The following NEBL variants were observed in gnomAD, a reference collection of about 807,000 sequenced individuals.
NEBL encodes the protein nebulette, also known as LIM and SH3 protein 2.
Under a neutral mutation model 140.2 loss-of-function variants are expected in NEBL, and 122 were observed. The observed-to-expected ratio is 0.87, with a 90% CI of 0.75 to 1.01. The LOEUF (loss-of-function observed/expected upper bound fraction) is 1.01, where lower values mean the gene tolerates loss of function less well. NEBL is among the 50% of genes least tolerant of loss of function. The pLI, the probability that NEBL is intolerant of heterozygous loss-of-function variation, is 0.00. For synonymous variants in NEBL, 436 were observed against 398.9 expected (o/e 1.09, Z -1.11); for missense variants, 1,365 against 1,231.3 (o/e 1.11, Z -1.62).
At chr10:21,196,313 T>TTTTTTTTA (rs1554832544) in intron 3 of NEBL, among the ~76,000 whole-genome samples, 12 of 140,538 alleles carry the variant, frequency 8.5e-5, no homozygotes, top group African/African-American at 1.0e-4. Flanking sequence ...ATATTTTTAT[T>TTTTTTTTA]TTTATTTATT....
intron 26 of NEBL, among the ~76,000 whole-genome samples, chr10:20,790,999 A>G (rs983725362): frequency 2.2e-4 from 33 of 152,238 alleles, no homozygotes; most frequent in African/African-American, 7.7e-4. Flanking sequence ...TAGCATTGCT[A>G]CAAATGGGGG....
intron 4 of NEBL, 24 bp downstream of exon 4, chr10:20,888,073 T>C: frequency 3.4e-6 from 5 of 1,471,516 alleles, no homozygotes; most frequent in Non-Finnish European, 4.8e-6. Flanking sequence ...TACAAAATCA[T>C]GAAACACTTT....
chr10:20,992,834 G>C (rs189905599), intron 3 of NEBL, among the ~76,000 whole-genome samples: 72 of 120,526 alleles, frequency 6.0e-4, no homozygotes, highest in African/African-American at 2.1e-3. Context: ...CTGGAGTGCA[G>C]TGGTGTGATC....
intron 4 of NEBL, among the ~76,000 whole-genome samples, chr10:20,921,874 C>T (rs1291358387): frequency 3.9e-5 from 6 of 152,120 alleles, no homozygotes; most frequent in Non-Finnish European, 8.8e-5. Context: ...CACTCACATT[C>T]ATATATACAC....
rs547918031 is a variant in NEBL, at chr10:20,914,866, T to C, written c.357+46806A>G. ...CATATATTTTCTGGGGTTGTTTTGT[T>C]TTGTTTTTTGAGGCGGAGTCTCACT... is the stretch of plus-strand genomic sequence containing the variant. On this transcript the variant is annotated intron_variant, in intron 4 of 6. Transcript: ENST00000417816. 5.9e-5 allele frequency among the ~76,000 whole-genome samples: 9 copies of C among 152,248 alleles called. No homozygotes were observed. The South Asian group carries it at 1.5e-3, about 25-fold the overall frequency.
intron 4 of NEBL, among the ~76,000 whole-genome samples, chr10:20,928,056 G>A (rs537742538): frequency 1.3e-5 from 2 of 152,150 alleles, no homozygotes; most frequent in Non-Finnish European, 2.9e-5. Context: ...ATTTCAACAC[G>A]TTATTGATAT....
At chr10:21,290,627 ATTATTAGGAGAT>A (rs1843129892) in intron 1 of NEBL, among the ~76,000 whole-genome samples, 1 of 152,216 alleles carries the variant, frequency 6.6e-6, no homozygotes, top group African/African-American at 2.4e-5. Flanking sequence ...ACTCCAAAAG[ATTATTAGGAGAT>A]TTTATCTACA....
intron 3 of NEBL, among the ~76,000 whole-genome samples, chr10:21,196,975 G>C (rs550291222): frequency 6.6e-6 from 1 of 151,978 alleles, no homozygotes; most frequent in Non-Finnish European, 1.5e-5. Flanking sequence ...TTTTTTTCTC[G>C]GATGTTATTT....
chr10:21,237,133 A>G (rs72800011), intron 3 of NEBL, among the ~76,000 whole-genome samples: 6,194 of 152,188 alleles, frequency 0.041, 196 homozygotes, highest in South Asian at 0.14. Flanking sequence ...TAAAAAATCC[A>G]TTGTCAAAAT....
At chr10:21,220,998 T>A (rs1347081917) in intron 3 of NEBL, among the ~76,000 whole-genome samples, 1 of 151,882 alleles carries the variant, frequency 6.6e-6, no homozygotes, top group Non-Finnish European at 1.5e-5. Flanking sequence ...CTACAAAAAA[T>A]TTTAAAAATT....
chr10:21,275,896 G>A (rs570160107), intron 1 of NEBL, among the ~76,000 whole-genome samples: 3 of 146,876 alleles, frequency 2.0e-5, no homozygotes, highest in East Asian at 4.0e-4. Flanking sequence ...GACCTCAGGC[G>A]ATCTGCCTGC....
chr10:21,069,918 C>T (rs184418224), intron 2 of NEBL: 372 of 439,674 alleles, frequency 8.5e-4, no homozygotes, highest in African/African-American at 6.5e-3. Context: ...CCCCTGATAG[C>T]GCAAGTCATG....
At chr10:20,990,997 T>G (rs1837434490) in intron 3 of NEBL, among the ~76,000 whole-genome samples, 1 of 152,242 alleles carries the variant, frequency 6.6e-6, no homozygotes. Flanking sequence ...AATCAAGCTC[T>G]GCCCTATACA....
At position 20,780,512 on chromosome 10, in the gene NEBL, C is replaced by T. The variant is rs1393181738; in HGVS notation, c.*5235G>A. ...TAAATGCACTGAAGGCAGCACACAC[C>T]TCTGATGCGATTTGATGTGAGTTGT... On this transcript the variant is annotated 3_prime_UTR_variant, in exon 28 of 28. Coordinates refer to ENST00000377122, the MANE Select transcript of NEBL (RefSeq NM_006393.3). The T allele has an allele frequency of 6.6e-6, 1 of 152,128 alleles. No homozygotes were observed. The highest frequency in any genetic ancestry group is 2.1e-4 in the South Asian group (1 of 4,832). 9.4% of individuals were successfully genotyped at this position (152,128 alleles called of 1,614,324 possible). A position where few individuals can be genotyped will look rare whatever the true frequency, so the allele number is the denominator to read the frequency against.
At chr10:21,057,743 T>C (rs1179989924) in intron 2 of NEBL, among the ~76,000 whole-genome samples, 1 of 151,772 alleles carries the variant, frequency 6.6e-6, no homozygotes, top group Non-Finnish European at 1.5e-5. Flanking sequence ...ATATTTTTTA[T>C]AGAGACAGAA....
chr10:20,828,892 G>T (rs557725928), intron 16 of NEBL, among the ~76,000 whole-genome samples: 1 of 152,100 alleles, frequency 6.6e-6, no homozygotes, highest in African/African-American at 2.4e-5. Context: ...TTTGATTAAG[G>T]GAAAGTTAAC....
chr10:20,845,598 G>A (rs1352036422), intron 11 of NEBL: 5 of 454,268 alleles, frequency 1.1e-5, no homozygotes, highest in Admixed American at 3.5e-5. Flanking sequence ...CATTCTAAGT[G>A]AGGCTTCCTA....
intron 2 of NEBL, among the ~76,000 whole-genome samples, chr10:21,143,473 C>CAAAAAAAAAAAAAAAAAA (rs1839745073): frequency 8.2e-6 from 1 of 122,052 alleles, no homozygotes; most frequent in Admixed American, 7.9e-5. Context: ...AAAAAAAAAT[C>CAAAAAAAAAAAAAAAAAA]AAACGTGAAA....
chr10:21,288,820 G>GTATATATATATATATATATATATA (rs71392181), intron 1 of NEBL, among the ~76,000 whole-genome samples: 10 of 34,992 alleles, frequency 2.9e-4, no homozygotes, highest in Admixed American at 5.5e-4. Context: ...GTGTGTGTGT[G>GTATATATATATATATATATATATA]TATATATATA....
Sources: allele counts gnomAD v4.1 joint callset (sites outside exome capture counted in the v4.1 genomes callset), GRCh38; gene constraint gnomAD v4.1.1; transcripts MANE v1.5; gene names NCBI Gene and HGNC (gene_info 2026-07-23, HGNC 2026-07-21).